Variants in OSTN observed in about 807,000 individuals in gnomAD.
OSTN encodes the protein osteocrin.
Under a neutral mutation model 12.0 loss-of-function variants are expected in OSTN, and 9 were observed. The ratio of observed to expected loss-of-function variants is 0.75; its 90% CI spans 0.45 to 1.30. The LOEUF is 1.30. Among genes scored for constraint, OSTN ranks in the 50% most tolerant of loss-of-function variants. The probability of loss-of-function intolerance (pLI) is 0.00; values close to 1 mark genes in which losing one functional copy is unlikely to be tolerated. For synonymous variants in OSTN, 59 were observed against 56.9 expected, an observed-to-expected ratio of 1.04 and a Z score of -0.16; for missense variants, 148 against 152.3, an observed-to-expected ratio of 0.97 and a Z score of 0.15.
Position 191,218,837 on chromosome 3 carries a change from CT to C in OSTN, c.195del (p.Asp66MetfsTer6). On this transcript the variant is annotated frameshift_variant, in exon 3 of 5. Coordinates refer to ENST00000682035, the MANE Select transcript of OSTN (RefSeq NM_198184.2). LOFTEE classifies it high-confidence loss of function. ...ATDLTAKLLL[L>X]DELVSLENDV... ...TGACCTGACAGCAAAACTCTTGCTT[CT>C]TGATGAATTGGTGTCCCTAGAAAAT... 1 of 1,614,046 alleles carries C rather than the reference CT, an allele frequency of 6.2e-7. No individual in the cohort carries two copies. The highest frequency in any genetic ancestry group is 1.1e-5 in the South Asian group (1 of 91,068).
At chr3:191,257,560 A>G (rs1050167659) in intron 4 of OSTN, among the ~76,000 whole-genome samples, 2 of 152,086 alleles carry the variant, frequency 1.3e-5, no homozygotes, top group African/African-American at 4.8e-5. Context: ...GTTATCCCCC[A>G]CCCTCATCAT....
At chr3:191,259,565 A>C (rs1442280379) in intron 4 of OSTN, among the ~76,000 whole-genome samples, 1 of 151,730 alleles carries the variant, frequency 6.6e-6, no homozygotes, top group African/African-American at 2.4e-5. Flanking sequence ...GTTCTGACTT[A>C]ACCAAGGATG....
chr3:191,241,166 A>ATTTT (rs1378328058), intron 3 of OSTN, among the ~76,000 whole-genome samples: 7 of 48,338 alleles, frequency 1.4e-4, no homozygotes, highest in Non-Finnish European at 1.9e-4. Flanking sequence ...CTGTGCCTTG[A>ATTTT]CTTTTTTTTT....
chr3:191,256,152 A>T (rs1238725725), intron 4 of OSTN, among the ~76,000 whole-genome samples: 1 of 152,094 alleles, frequency 6.6e-6, no homozygotes, highest in Non-Finnish European at 1.5e-5. Flanking sequence ...AATTTAACAT[A>T]ATAATTATAA....
chr3:191,257,171 G>A (rs1428692005), intron 4 of OSTN, among the ~76,000 whole-genome samples: 38 of 99,572 alleles, frequency 3.8e-4, no homozygotes, highest in African/African-American at 1.4e-3. Context: ...GGGTGACAGA[G>A]CAAAACCCTC....
intron 3 of OSTN, among the ~76,000 whole-genome samples, chr3:191,231,735 A>C (rs1455535930): frequency 6.6e-6 from 1 of 152,186 alleles, no homozygotes; most frequent in African/African-American, 2.4e-5. Context: ...TACTAAGAGA[A>C]GGTAATACAT....
At position 191,240,335 on chromosome 3, in the gene OSTN, A is replaced by T. The variant is rs577892707; in HGVS notation, c.318-9702A>T. ...CCTAATGTAAACATTTTAGTTTTGC[A>T]TTTTAATTTTAAATTGCAGTAACCA... On this transcript the variant is annotated intron_variant, in intron 3 of 4. Transcript: ENST00000682035. Among the ~76,000 whole-genome samples the T allele has an allele frequency of 2.6e-5, 4 of 152,258 alleles. No individual in the cohort carries two copies. In the South Asian group the frequency reaches 8.3e-4, roughly 32 times the overall value.
rs1714846571 is a variant in OSTN, at chr3:191,224,185, C to G, written c.317+5224C>G. Among the ~76,000 whole-genome samples the G allele has an allele frequency of 2.0e-5, 3 of 151,868 alleles. No homozygotes were observed. In the South Asian group the frequency reaches 6.2e-4, roughly 32 times the overall value. ...CTGAGGTCGGGAGTTGGATGCCAGC[C>G]TGACCGACATGGAAAAACCCCGTCT... On this transcript the variant is annotated intron_variant, in intron 3 of 4. Coordinates refer to ENST00000682035, the MANE Select transcript of OSTN (RefSeq NM_198184.2).
At chr3:191,203,410 G>T (rs1009872457) in intron 1 of OSTN, among the ~76,000 whole-genome samples, 2 of 152,056 alleles carry the variant, frequency 1.3e-5, no homozygotes, top group African/African-American at 2.4e-5. Flanking sequence ...GTAGGTTTCT[G>T]GCTTCTTAAT....
At chr3:191,227,544 C>T (rs1222295920) in intron 3 of OSTN, among the ~76,000 whole-genome samples, 1 of 152,016 alleles carries the variant, frequency 6.6e-6, no homozygotes, top group Non-Finnish European at 1.5e-5. Context: ...ACGCATAAGG[C>T]TATTCATTTT....
Position 191,259,852 on chromosome 3 carries a change from C to CTTT in OSTN, c.*13-2998_*13-2996dup, listed in dbSNP as rs372562335. On this transcript the variant is annotated intron_variant, in intron 4 of 4. Transcript: ENST00000682035. ...AGCTATGACCCTATTATGTATCCTT[C>CTTT]TTTTTTTTTTTTTTTTTTCTTGAGA... Among the ~76,000 whole-genome samples the CTTT allele has an allele frequency of 4.0e-3, 527 of 132,504 alleles. 6 individuals carry two copies. The highest frequency in any genetic ancestry group is 0.014 in the African/African-American group (484 of 35,714). 86.9% of individuals were successfully genotyped at this position (132,504 alleles called of 152,430 possible).
chr3:191,218,638 A>G, intron 2 of OSTN, 109 bp from the exon 3 acceptor site: 4 of 847,934 alleles, frequency 4.7e-6, no homozygotes, highest in Non-Finnish European at 7.3e-6. Context: ...AAATTGTAAG[A>G]TGTTACATGA....
At chr3:191,208,551 G>T (rs1714339338) in intron 1 of OSTN, among the ~76,000 whole-genome samples, 1 of 152,110 alleles carries the variant, frequency 6.6e-6, no homozygotes, top group South Asian at 2.1e-4. Flanking sequence ...AAATAATCAG[G>T]ATGTGGTTAT....
chr3:191,224,068 CAG>C (rs1714843380), intron 3 of OSTN, among the ~76,000 whole-genome samples: 4 of 151,866 alleles, frequency 2.6e-5, no homozygotes, highest in Admixed American at 6.6e-5. Context: ...CAAAGAATGC[CAG>C]AAAATAGAAA....
intron 3 of OSTN, among the ~76,000 whole-genome samples, chr3:191,224,223 C>T (rs1714848118): frequency 6.6e-6 from 1 of 151,576 alleles, no homozygotes; most frequent in African/African-American, 2.4e-5. Context: ...ACTAAGAATA[C>T]AAAATTAGCC....
intron 3 of OSTN, among the ~76,000 whole-genome samples, chr3:191,224,800 A>G (rs1042006920): frequency 6.6e-6 from 1 of 152,120 alleles, no homozygotes; most frequent in Non-Finnish European, 1.5e-5. Flanking sequence ...GTATTCTTAC[A>G]CACTTTATTG....
intron 3 of OSTN, among the ~76,000 whole-genome samples, chr3:191,219,178 A>G (rs556074007): frequency 6.6e-6 from 1 of 152,314 alleles, no homozygotes; most frequent in East Asian, 1.9e-4. Flanking sequence ...CATTTTTGTC[A>G]TGTTTCCTAA....
In OSTN at chr3:191,265,189, G is replaced by A. The variant is rs1407022529; in HGVS notation, c.*2336G>A. 6.6e-6 allele frequency: 1 copy of A among 152,046 alleles called. No homozygotes were observed. Among genetic ancestry groups the A allele is most frequent in the Non-Finnish European group, 1.5e-5 (1 of 67,958 alleles). 9.4% of individuals were successfully genotyped at this position (152,046 alleles called of 1,614,324 possible). A position where few individuals can be genotyped will look rare whatever the true frequency, so the allele number is the denominator to read the frequency against. On this transcript the variant is annotated 3_prime_UTR_variant, in exon 5 of 5. Coordinates refer to ENST00000682035, the MANE Select transcript of OSTN (RefSeq NM_198184.2). Reference sequence around the variant, plus strand: ...TCTCACTTATTTATCCAATGCATTAGGTATTACTAATCCAACTATATTTCA... The same window carrying A: ...TCTCACTTATTTATCCAATGCATTAAGTATTACTAATCCAACTATATTTCA...
intron 1 of OSTN, among the ~76,000 whole-genome samples, chr3:191,205,919 T>G (rs1287617818): frequency 2.0e-5 from 3 of 152,190 alleles, no homozygotes; most frequent in Non-Finnish European, 4.4e-5. Flanking sequence ...GCACAGTGGC[T>G]CATGCCTGCA....
Sources: gnomAD v4.1 joint callset for allele counts (sites outside exome capture counted in the v4.1 genomes callset) on GRCh38, gnomAD v4.1.1 for gene constraint, MANE v1.5 for transcripts, NCBI Gene and HGNC (gene_info 2026-07-23, HGNC 2026-07-21) for gene names.